CPAMD8: variants seen among roughly 807,000 people sequenced by gnomAD.
CPAMD8 encodes C3 and PZP like alpha-2-macroglobulin domain containing 8, also known as C3 and PZP-like alpha-2-macroglobulin domain-containing protein 8.
CPAMD8 carries 146 observed loss-of-function variants against 224.7 expected under a neutral mutation model. The ratio of observed to expected loss-of-function variants is 0.65; its 90% CI spans 0.57 to 0.75. The LOEUF is 0.75. CPAMD8 is among the 30% of genes least tolerant of loss of function. The probability of loss-of-function intolerance (pLI) is 0.00; values close to 1 mark genes in which losing one functional copy is unlikely to be tolerated. For missense variants in CPAMD8, 2,301 were observed against 2,537.5 expected (o/e 0.91, Z 2.00); for synonymous variants, 966 against 1,044.6 (o/e 0.92, Z 1.45).
At chr19:16,974,286 G>A (rs2055176346) in intron 17 of CPAMD8, among the ~76,000 whole-genome samples, 1 of 151,884 alleles carries the variant, frequency 6.6e-6, no homozygotes, top group African/African-American at 2.4e-5. Context: ...CGCCCCCTTA[G>A]CCCTTTTTAA....
In CPAMD8 at chr19:16,938,378, G is replaced by A; in HGVS notation, c.2845+17C>T. Reference sequence around the variant, plus strand: ...CCAGGTGGCCACACCTTAGCAGAATGGGCACGGGGGACTCACCACTGGGAC... The same window carrying A: ...CCAGGTGGCCACACCTTAGCAGAATAGGCACGGGGGACTCACCACTGGGAC... On this transcript the variant is annotated intron_variant, in intron 23 of 41. Transcript: ENST00000443236. 6.6e-7 allele frequency: 1 copy of A among 1,504,154 alleles called. No individual in the cohort carries two copies. Among genetic ancestry groups the A allele is most frequent in the Middle Eastern group, 1.7e-4 (1 of 5,810 alleles). 93.2% of individuals were successfully genotyped at this position (1,504,154 alleles called of 1,614,324 possible). A position where few individuals can be genotyped will look rare whatever the true frequency, so the allele number is the denominator to read the frequency against.
At position 16,907,022 on chromosome 19, in the gene CPAMD8, C is replaced by T. The variant is rs376373856; in HGVS notation, c.3957G>A (p.Ala1319=). 146 of 1,608,452 alleles carry T rather than the reference C, an allele frequency of 9.1e-5. No individual in the cohort carries two copies. The highest frequency in any genetic ancestry group is 1.6e-4 in the Middle Eastern group (1 of 6,078). Residue 1319 remains alanine, a synonymous_variant, in exon 30 of 42, where the codon GCG becomes GCA. Transcript: ENST00000443236. ...DPYSCALTTY[A]LTLLRSPAAP... ...CTGCCGGGCTGCGGAGCAGGGTCAG[C>T]GCGTAGGTAGTCAGGGCACAGCTAT...
rs1017325310 is a variant in CPAMD8, at chr19:16,898,717, C to T, written c.4849-723G>A. On this transcript the variant is annotated intron_variant, in intron 37 of 41. Coordinates refer to ENST00000443236, the MANE Select transcript of CPAMD8 (RefSeq NM_015692.5). The surrounding 1 kb of genome is among the most constrained non-coding windows in gnomAD (Gnocchi z 4.2). Reference sequence around the variant, plus strand: ...TCATGTACTCTGTGGCCTTTTGTGTCTGGCTTCTTTCACTCAGCATCATGT... The same window carrying T: ...TCATGTACTCTGTGGCCTTTTGTGTTTGGCTTCTTTCACTCAGCATCATGT... Among the ~76,000 whole-genome samples the T allele has an allele frequency of 2.0e-5, 3 of 152,048 alleles. No homozygotes were observed. The highest frequency in any genetic ancestry group is 4.4e-5 in the Non-Finnish European group (3 of 68,000).
intron 19 of CPAMD8, among the ~76,000 whole-genome samples, chr19:16,954,558 G>T (rs1308681056): frequency 6.6e-6 from 1 of 152,102 alleles, no homozygotes; most frequent in Non-Finnish European, 1.5e-5. Flanking sequence ...GTCTCAAAGG[G>T]ATATTTGTAT....
chr19:16,949,810 G>T (rs2054240682), intron 20 of CPAMD8, among the ~76,000 whole-genome samples: 1 of 152,144 alleles, frequency 6.6e-6, no homozygotes, highest in Non-Finnish European at 1.5e-5. Flanking sequence ...AACATCACCT[G>T]CAGACTCTCA....
At chr19:16,969,137 C>T (rs1275299293) in intron 18 of CPAMD8, among the ~76,000 whole-genome samples, 2 of 152,146 alleles carry the variant, frequency 1.3e-5, no homozygotes, top group East Asian at 3.9e-4. Flanking sequence ...CTCACCCTGC[C>T]CAGATCCCTC....
rs369801161 is a variant in CPAMD8 at position 16,947,137 on chromosome 19, C to T, written c.2599G>A (p.Gly867Arg). 1.5e-4 allele frequency: 236 copies of T among 1,613,474 alleles called. 3 individuals carry two copies. In the South Asian group the frequency reaches 2.3e-3, roughly 15 times the overall value. The change falls in exon 21 of 42, where the codon GGG becomes AGG. Residue 867 changes from glycine to arginine, a missense_variant. Transcript: ENST00000443236. ...ACGACCCAGATGGGCTCAGCCTCCC[C>T]GGGGGCCACACACATCTTCTTGGTC... is the stretch of plus-strand genomic sequence containing the variant. ...HVTKKMCVAP[G>R]EAEPIWVVLS...
intron 5 of CPAMD8, 151 bp downstream of exon 5, chr19:17,011,313 T>A: frequency 1.2e-6 from 1 of 853,686 alleles, no homozygotes; most frequent in Non-Finnish European, 1.8e-6. Context: ...CACAAAGAAC[T>A]CCCTGGGGTT....
At chr19:16,915,572 C>T (rs1421459542) in intron 27 of CPAMD8, among the ~76,000 whole-genome samples, 2 of 152,206 alleles carry the variant, frequency 1.3e-5, no homozygotes, top group Non-Finnish European at 2.9e-5. Context: ...CCCCATCTCC[C>T]TTGCCCTGCT....
intron 39 of CPAMD8, chr19:16,896,902 A>C: frequency 5.3e-6 from 2 of 376,912 alleles, no homozygotes; most frequent in Non-Finnish European, 4.7e-6. Context: ...GTAGGAGAGA[A>C]AGGAGACAGG....
rs2052147477 is a variant in CPAMD8, at chr19:16,899,082, G to C, written c.4848+393C>G. On this transcript the variant is annotated intron_variant, in intron 37 of 41. Transcript: ENST00000443236. The surrounding 1 kb of genome is among the most constrained non-coding windows in gnomAD (Gnocchi z 5.4). ...ATTACAGTAGCGTGCCATCACACCTGGCTAATTTTTGTGTTTTTTGTAGAG... is the reference window on the plus strand; with the variant it reads ...ATTACAGTAGCGTGCCATCACACCTCGCTAATTTTTGTGTTTTTTGTAGAG... Among the ~76,000 whole-genome samples, 1 of 152,074 alleles carries C rather than the reference G, an allele frequency of 6.6e-6. No homozygotes were observed. The highest frequency in any genetic ancestry group is 2.1e-4 in the South Asian group (1 of 4,818).
chr19:16,924,973 C>T (rs1232725397), intron 26 of CPAMD8, among the ~76,000 whole-genome samples: 1 of 152,144 alleles, frequency 6.6e-6, no homozygotes, highest in Non-Finnish European at 1.5e-5. Flanking sequence ...AGATGCTTTT[C>T]CTCTCCCTGT....
At chr19:16,958,114 T>G (rs1055822969) in intron 18 of CPAMD8, among the ~76,000 whole-genome samples, 199 bp from the exon 19 acceptor site, 1 of 152,226 alleles carries the variant, frequency 6.6e-6, no homozygotes, top group African/African-American at 2.4e-5. Context: ...GATTAGGACA[T>G]AACTTGTTTT....
intron 11 of CPAMD8, among the ~76,000 whole-genome samples, chr19:16,995,020 C>T (rs62125984): frequency 0.066 from 10,041 of 152,246 alleles, 452 homozygotes; most frequent in Middle Eastern, 0.1. Context: ...ATATGTGAAA[C>T]GCTCTTTACC....
In CPAMD8 at chr19:17,009,083, C is replaced by T. The variant is rs559121108; in HGVS notation, c.504+220G>A. 153 of 616,144 alleles carry T rather than the reference C, an allele frequency of 2.5e-4. No individual in the cohort carries two copies. In the African/African-American group the frequency reaches 2.6e-3, roughly 10 times the overall value. 38.2% of individuals were successfully genotyped at this position (616,144 alleles called of 1,614,324 possible). Reference sequence around the variant, plus strand: ...CTGCAATCCAGCCTGGGTGATAGAGCGAGACTCCATTTCAAAAAAAAAAAG... The same window carrying T: ...CTGCAATCCAGCCTGGGTGATAGAGTGAGACTCCATTTCAAAAAAAAAAAG... On this transcript the variant is annotated intron_variant, in intron 6 of 41. Coordinates refer to ENST00000443236, the MANE Select transcript of CPAMD8 (RefSeq NM_015692.5).
chr19:16,993,548 C>A lies in CPAMD8; in HGVS notation c.1134G>T (p.Gly378=). Residue 378 remains glycine, a synonymous_variant, in exon 12 of 42, where the codon GGG becomes GGT. Transcript: ENST00000443236. ...GCTCTGCCTTAATCTGGACCGTCAC[C>A]CCCTCAGCTGGGCTGCCATCGGGGT... is the stretch of plus-strand genomic sequence containing the variant. The part of the protein sequence containing the change: ...LSYPDGSPAE[G]VTVQIKAELT... 6.2e-7 allele frequency: 1 copy of A among 1,614,172 alleles called. No homozygotes were observed. The highest frequency in any genetic ancestry group is 8.5e-7 in the Non-Finnish European group (1 of 1,180,032).
intron 1 of CPAMD8, among the ~76,000 whole-genome samples, chr19:17,025,694 A>G (rs1381513055): frequency 6.6e-6 from 1 of 152,180 alleles, no homozygotes; most frequent in Non-Finnish European, 1.5e-5. Context: ...GCTGAGAACC[A>G]CTATTCTAAG....
At chr19:16,980,993 G>A (rs1481418925) in intron 13 of CPAMD8, among the ~76,000 whole-genome samples, 3 of 142,386 alleles carry the variant, frequency 2.1e-5, no homozygotes, top group Non-Finnish European at 4.5e-5. Flanking sequence ...CCACCATGCC[G>A]GTATAATTTT....
At chr19:17,020,374 A>G in intron 2 of CPAMD8, 21 bp from the exon 3 acceptor site, 2 of 1,560,510 alleles carry the variant, frequency 1.3e-6, no homozygotes, top group Non-Finnish European at 1.8e-6. Flanking sequence ...AAATAAAATG[A>G]AAAAAGTTAA....
Sources: allele counts gnomAD v4.1 joint callset (sites outside exome capture counted in the v4.1 genomes callset), GRCh38; gene constraint gnomAD v4.1.1; non-coding constraint Gnocchi (gnomAD v3.1); transcripts MANE v1.5; gene names NCBI Gene and HGNC (gene_info 2026-07-23, HGNC 2026-07-21).